The following LRRTM4 variants were observed in gnomAD, a reference collection of about 807,000 sequenced individuals.
The protein encoded by LRRTM4 is leucine-rich repeat transmembrane neuronal protein 4.
In LRRTM4, 25 loss-of-function variants were observed where a neutral mutation model predicts 47.6. That is an observed-to-expected ratio of 0.53 (90% CI 0.38 to 0.73). LRRTM4 has a LOEUF of 0.73. Among genes scored for constraint, LRRTM4 ranks in the 30% least tolerant of loss-of-function variants. LRRTM4 has a pLI of 0.00. For synonymous variants in LRRTM4, 311 were observed against 269.5 expected, an observed-to-expected ratio of 1.15 and a Z score of -1.51; for missense variants, 638 against 713.4, an observed-to-expected ratio of 0.89 and a Z score of 1.20.
At chr2:76,958,746 G>A (rs1462855872) in intron 3 of LRRTM4, among the ~76,000 whole-genome samples, 1 of 151,754 alleles carries the variant, frequency 6.6e-6, no homozygotes, top group Admixed American at 6.6e-5. Context: ...GATACATAGA[G>A]TACCATTTTA....
chr2:77,489,402 C>T (rs1461666557), intron 3 of LRRTM4, among the ~76,000 whole-genome samples: 1 of 152,152 alleles, frequency 6.6e-6, no homozygotes, highest in African/African-American at 2.4e-5. Context: ...AATATTTAAA[C>T]AACAATTTCT....
chr2:77,203,295 C>A (rs1205939762), intron 3 of LRRTM4, among the ~76,000 whole-genome samples: 1 of 151,986 alleles, frequency 6.6e-6, no homozygotes. Context: ...CAAAAACAAG[C>A]GTCCAAACAA....
At position 77,393,378 on chromosome 2, in the gene LRRTM4, G is replaced by A. The variant is rs1573354749; in HGVS notation, c.1551+124940C>T. On this transcript the variant is annotated intron_variant, in intron 3 of 3. Transcript: ENST00000409884. ...AAAGTGCTAAAATTGGAACACTATG[G>A]GAAAACATAAGAGAAAAGGTACATA... Among the ~76,000 whole-genome samples, 5 of 151,974 alleles carry A rather than the reference G, an allele frequency of 3.3e-5. No individual in the cohort carries two copies. The South Asian group carries it at 1.0e-3, about 32-fold the overall frequency.
chr2:76,828,293 G>C (rs1041492251), intron 3 of LRRTM4, among the ~76,000 whole-genome samples: 8 of 151,898 alleles, frequency 5.3e-5, no homozygotes, highest in Non-Finnish European at 1.2e-4. Flanking sequence ...AAAACTTCAA[G>C]AGGAAAAGGC....
intron 3 of LRRTM4, among the ~76,000 whole-genome samples, chr2:77,018,548 A>C (rs1558800710): frequency 6.6e-6 from 1 of 152,292 alleles, no homozygotes; most frequent in East Asian, 1.9e-4. Flanking sequence ...CAGAAGGCAG[A>C]AACCAACCTT....
intron 3 of LRRTM4, among the ~76,000 whole-genome samples, chr2:76,877,917 A>C (rs1458082946): frequency 9.9e-6 from 1 of 100,940 alleles, no homozygotes; most frequent in Non-Finnish European, 2.2e-5. Context: ...AAGAAGAAGG[A>C]AAAAAGGTCA....
At chr2:77,127,084 T>TTATGTGA (rs1275744584) in intron 3 of LRRTM4, among the ~76,000 whole-genome samples, 70 of 152,204 alleles carry the variant, frequency 4.6e-4, no homozygotes, top group African/African-American at 1.7e-3. Flanking sequence ...CTGAAAACAC[T>TTATGTGA]TATGTGATAT....
intron 3 of LRRTM4, among the ~76,000 whole-genome samples, chr2:77,055,341 A>T (rs192090098): frequency 6.6e-6 from 1 of 152,366 alleles, no homozygotes; most frequent in Admixed American, 6.5e-5. Flanking sequence ...CTTTCTGGGC[A>T]CACGTACATC....
At chr2:77,331,281 C>A (rs1397726974) in intron 3 of LRRTM4, among the ~76,000 whole-genome samples, 7 of 151,834 alleles carry the variant, frequency 4.6e-5, no homozygotes, top group Admixed American at 4.6e-4. Flanking sequence ...GTAGGCAAAC[C>A]AAAAGAAAAC....
chr2:77,305,480 C>T (rs1169616825), intron 3 of LRRTM4, among the ~76,000 whole-genome samples: 1 of 152,080 alleles, frequency 6.6e-6, no homozygotes, highest in Non-Finnish European at 1.5e-5. Context: ...CTCAACCTTG[C>T]TCTTCATTTA....
intron 3 of LRRTM4, among the ~76,000 whole-genome samples, chr2:77,448,765 C>T (rs1031626906): frequency 6.6e-6 from 1 of 152,216 alleles, no homozygotes; most frequent in South Asian, 2.1e-4. Flanking sequence ...AATGGATGCT[C>T]TTTGACAAGA....
intron 3 of LRRTM4, among the ~76,000 whole-genome samples, chr2:76,873,923 T>C (rs1672708541): frequency 6.6e-6 from 1 of 151,952 alleles, no homozygotes; most frequent in Non-Finnish European, 1.5e-5. Flanking sequence ...TCCCTTGAAA[T>C]TTTATAAAGT....
At chr2:77,208,685 A>T (rs1334261656) in intron 3 of LRRTM4, among the ~76,000 whole-genome samples, 1 of 152,118 alleles carries the variant, frequency 6.6e-6, no homozygotes, top group East Asian at 1.9e-4. Flanking sequence ...GGGGAAAATG[A>T]CTGCTTGAGA....
At chr2:77,233,720 T>C (rs1317199969) in intron 3 of LRRTM4, among the ~76,000 whole-genome samples, 1 of 152,182 alleles carries the variant, frequency 6.6e-6, no homozygotes, top group Non-Finnish European at 1.5e-5. Flanking sequence ...CAGAGGATAG[T>C]TCCTATTCAT....
At chr2:77,397,597 G>T (rs1408376849) in intron 3 of LRRTM4, among the ~76,000 whole-genome samples, 1 of 151,836 alleles carries the variant, frequency 6.6e-6, no homozygotes, top group Non-Finnish European at 1.5e-5. Flanking sequence ...GAGTTGTGCA[G>T]AGCTGTGAGG....
At chr2:77,110,884 A>G (rs1236652038) in intron 3 of LRRTM4, among the ~76,000 whole-genome samples, 1 of 152,182 alleles carries the variant, frequency 6.6e-6, no homozygotes, top group East Asian at 1.9e-4. Flanking sequence ...AATACTTTTA[A>G]ATTGCCTTCT....
intron 3 of LRRTM4, among the ~76,000 whole-genome samples, chr2:77,387,082 A>G (rs1019149320): frequency 1.3e-5 from 2 of 152,130 alleles, no homozygotes; most frequent in Admixed American, 6.6e-5. Context: ...TATTCCTTGC[A>G]TGAAGTGTAC....
At chr2:76,893,944 A>G (rs1419905307) in intron 3 of LRRTM4, among the ~76,000 whole-genome samples, 1 of 151,902 alleles carries the variant, frequency 6.6e-6, no homozygotes, top group Non-Finnish European at 1.5e-5. Context: ...TTTCCTCACA[A>G]ACATAAGCAG....
intron 3 of LRRTM4, among the ~76,000 whole-genome samples, chr2:77,162,519 C>T (rs993211027): frequency 6.6e-6 from 1 of 152,174 alleles, no homozygotes; most frequent in Non-Finnish European, 1.5e-5. Flanking sequence ...GACAGACTGC[C>T]TCCTCAAGTG....
Sources: allele counts gnomAD v4.1 joint callset (sites outside exome capture counted in the v4.1 genomes callset), GRCh38; gene constraint gnomAD v4.1.1; transcripts MANE v1.5; gene names NCBI Gene and HGNC (gene_info 2026-07-23, HGNC 2026-07-21).